BRICD5: variants seen among roughly 807,000 people sequenced by gnomAD.
The protein encoded by BRICD5 is BRICHOS domain-containing protein 5.
BRICD5 carries 51 observed loss-of-function variants against 28.4 expected under a neutral mutation model. The ratio of observed to expected loss-of-function variants is 1.80; its 90% CI spans 1.43 to 2.27. The LOEUF is 2.27. Among genes scored for constraint, BRICD5 ranks in the 30% most tolerant of loss-of-function variants. The pLI, the probability that BRICD5 is intolerant of heterozygous loss-of-function variation, is 0.00. For missense variants in BRICD5, 456 were observed against 309.6 expected, an observed-to-expected ratio of 1.47 and a Z score of -3.55; for synonymous variants, 177 against 130.2, an observed-to-expected ratio of 1.36 and a Z score of -2.44.
In BRICD5 at chr16:2,210,598, A is replaced by G. The variant is rs762035047; in HGVS notation, c.104T>C (p.Leu35Pro). 6 of 1,612,666 alleles carry G rather than the reference A, an allele frequency of 3.7e-6. No homozygotes were observed. The South Asian group carries it at 5.5e-5, about 15-fold the overall frequency. The part of the protein sequence containing the change: ...GGWRAVSLLL[L>P]LLLLVLAAVG... Reference sequence around the variant, plus strand: ...AGCGGCCAGCACCAGCAGCAGCAGCAGCAGGAGCAGGCTCACGGCTCTCCA... The same window carrying G: ...AGCGGCCAGCACCAGCAGCAGCAGCGGCAGGAGCAGGCTCACGGCTCTCCA... Residue 35 changes from leucine (L) to proline (P), a missense_variant, in exon 2 of 6, where the codon CTG becomes CCG. By Grantham distance (98) the Leu-to-Pro change is moderately conservative. Transcript: ENST00000328540.
Position 2,210,599 on chromosome 16 carries a change from G to C in BRICD5, c.103C>G (p.Leu35Val). ...GGWRAVSLLL[L>V]LLLLVLAAVG... Reference sequence around the variant, plus strand: ...GCGGCCAGCACCAGCAGCAGCAGCAGCAGGAGCAGGCTCACGGCTCTCCAG... The same window carrying C: ...GCGGCCAGCACCAGCAGCAGCAGCACCAGGAGCAGGCTCACGGCTCTCCAG... The change falls in exon 2 of 6, where the codon CTG (leucine) becomes GTG (valine). Residue 35 changes from leucine to valine, a missense_variant. Leu to Val is a conservative substitution (Grantham distance 32). Transcript: ENST00000328540. 1 of 1,612,600 alleles carries C rather than the reference G, an allele frequency of 6.2e-7. No individual in the cohort carries two copies. The highest frequency in any genetic ancestry group is 2.2e-5 in the East Asian group (1 of 44,876).
intron 4 of BRICD5, 29 bp from the exon 5 acceptor site, chr16:2,209,735 G>A: frequency 6.3e-7 from 1 of 1,579,652 alleles, no homozygotes; most frequent in Non-Finnish European, 8.6e-7. Context: ...TGGGCGGTGG[G>A]ACAGGGCTGC....
rs1407212568 is a variant in BRICD5 at position 2,210,662 on chromosome 16, TCAG to T, written c.52-15_52-13del. On this transcript the variant is annotated splice_polypyrimidine_tract_variant and intron_variant, in intron 1 of 5. Coordinates refer to ENST00000328540, the MANE Select transcript of BRICD5 (RefSeq NM_182563.4). ...GGCTTGGTCTTCACCTGGGCGTGCA[TCAG>T]GGTCAGAAGGGTCATGAGGGTTAGA... 1.9e-6 allele frequency: 3 copies of T among 1,610,504 alleles called. No individual in the cohort carries two copies. The African/African-American group carries it at 4.0e-5, about 22-fold the overall frequency.
In BRICD5 at chr16:2,209,373, G is replaced by T. The variant is rs1008313244; in HGVS notation, c.676C>A (p.Leu226Ile). ...GCCAGGTCGGGGGCTCAGTCTGGGA[G>T]GTAATAAAAGCAGACCGACACGCAG... Reference protein sequence around the residue: ...NICVSVCFYYLPD With the variant: ...NICVSVCFYYIPD The change falls in exon 6 of 6, where the codon CTC becomes ATC. Residue 226 changes from leucine to isoleucine, a missense_variant. Transcript: ENST00000328540. 6.2e-7 allele frequency: 1 copy of T among 1,612,746 alleles called. No individual in the cohort carries two copies. The highest frequency in any genetic ancestry group is 8.5e-7 in the Non-Finnish European group (1 of 1,179,232).
Position 2,210,180 on chromosome 16 carries a change from T to C in BRICD5, c.282A>G (p.Thr94=), listed in dbSNP as rs767065784. Residue 94 remains threonine, a synonymous_variant, in exon 3 of 6, where the codon ACA becomes ACG. Coordinates refer to ENST00000328540, the MANE Select transcript of BRICD5 (RefSeq NM_182563.4). The stretch of plus-strand genomic sequence containing the variant: ...TGTGGTTGCTCTGAGGTGGGGTCAC[T>C]GTGATGGTCGCCGCGTTCCGGGCCA... ...VDVARNAATI[T]VTPPQSNHSW... is the part of the protein sequence containing the mutation. 5 of 1,606,236 alleles carry C rather than the reference T, an allele frequency of 3.1e-6. No individual in the cohort carries two copies. In the South Asian group the frequency reaches 4.4e-5, roughly 14 times the overall value.
In BRICD5 at chr16:2,209,475, G is replaced by C. The variant is rs760496856; in HGVS notation, c.593-19C>G. 10 of 1,613,370 alleles carry C rather than the reference G, an allele frequency of 6.2e-6. No homozygotes were observed. Among genetic ancestry groups the C allele is most frequent in the South Asian group, 1.1e-5 (1 of 91,092 alleles). ...CGGGGCCCTGTGGCGAGGGTGCCGT[G>C]AATCTCCAAGGGCTCCGCCCCCAGC... On this transcript the variant is annotated intron_variant, in intron 5 of 5. Transcript: ENST00000328540.
chr16:2,209,371 G>C lies in BRICD5; in HGVS notation c.678C>G (p.Leu226=), dbSNP rs201450400. The C allele has an allele frequency of 1.9e-6, 3 of 1,612,848 alleles. No individual in the cohort carries two copies. Among genetic ancestry groups the C allele is most frequent in the South Asian group, 1.1e-5 (1 of 91,066 alleles). ...GGGCCAGGTCGGGGGCTCAGTCTGG[G>C]AGGTAATAAAAGCAGACCGACACGC... The part of the protein sequence containing the change: ...NICVSVCFYY[L]PD Residue 226 remains leucine (L), a synonymous_variant, in exon 6 of 6, where the codon CTC becomes CTG. Transcript: ENST00000328540.
chr16:2,210,727 G>C, intron 1 of BRICD5, 56 bp downstream of exon 1: 1 of 1,609,390 alleles, frequency 6.2e-7, no homozygotes, highest in Non-Finnish European at 8.5e-7. Flanking sequence ...GGGAGGGGCT[G>C]GGTGGCCTGG....
At chr16:2,210,420 T>C (rs1396417929) in intron 2 of BRICD5, 102 bp downstream of exon 2, 2 of 1,534,254 alleles carry the variant, frequency 1.3e-6, no homozygotes, top group African/African-American at 1.4e-5. Context: ...CTAGGTGGTG[T>C]CACTGCCTGC....
chr16:2,210,474 C>T (rs1360656434), intron 2 of BRICD5, 48 bp downstream of exon 2: 1 of 1,556,872 alleles, frequency 6.4e-7, no homozygotes, highest in African/African-American at 1.4e-5. Flanking sequence ...GCCAGCTTCC[C>T]TTCTCCCTTT....
In BRICD5 at chr16:2,210,785, C is replaced by G. The variant is rs759762365; in HGVS notation, c.49G>C (p.Gly17Arg). 9.3e-6 allele frequency: 15 copies of G among 1,606,680 alleles called. No individual in the cohort carries two copies. In the East Asian group the frequency reaches 3.1e-4, roughly 33 times the overall value. Reference sequence around the variant, plus strand: ...CAGGAGTAACGGGAGGCACTCACCCCTGTAGGCCCAGGTTTGGGGCGCTCA... The same window carrying G: ...CAGGAGTAACGGGAGGCACTCACCCGTGTAGGCCCAGGTTTGGGGCGCTCA... ...CAERPKPGPT[G>R]VKTKPSCGGW... The change falls in exon 1 of 6, where the codon GGG becomes CGG. Residue 17 changes from glycine to arginine, a missense_variant and splice_region_variant. Transcript: ENST00000328540.
rs745438012 is a variant in BRICD5, at chr16:2,210,584, CCAGCAGCAG to C, written c.109_117del (p.Leu37_Leu39del). 1.4e-4 allele frequency: 212 copies of C among 1,468,120 alleles called. 1 individual carries two copies. In the South Asian group the frequency reaches 2.3e-3, roughly 16 times the overall value. The allele number at this position is 1,468,120 out of a possible 1,614,324, so 90.9% of individuals were successfully genotyped here. ...GCCACAACCCCCACAGCGGCCAGCA[CCAGCAGCAG>C]CAGCAGCAGGAGCAGGCTCACGGCT... On this transcript the variant is annotated inframe_deletion, in exon 2 of 6. Transcript: ENST00000328540.
At chr16:2,210,480 C>T in intron 2 of BRICD5, 42 bp downstream of exon 2, 4 of 1,564,196 alleles carry the variant, frequency 2.6e-6, no homozygotes, top group Non-Finnish European at 2.6e-6. Flanking sequence ...TTCCCTTCTC[C>T]CTTTCCACTG....
In BRICD5 at chr16:2,210,013, G is replaced by T. The variant is rs1390015230; in HGVS notation, c.375C>A (p.Cys125Ter). The T allele has an allele frequency of 6.4e-7, 1 of 1,567,900 alleles. No homozygotes were observed. ...CACTGTCCTCCATCAGGCGGAGGAAGCAGACCTGGTGCTCCTCAGGGCGGT... is the reference window on the plus strand; with the variant it reads ...CACTGTCCTCCATCAGGCGGAGGAATCAGACCTGGTGCTCCTCAGGGCGGT... ...ICYRPEEHQV[C>*]FLRLMEDSDR... is the part of the protein sequence containing the mutation. The change falls in exon 4 of 6, where the codon TGC (cysteine) becomes TGA (stop). Residue 125 changes from cysteine (C) to a stop codon, truncating the protein, a stop_gained. Coordinates refer to ENST00000328540, the MANE Select transcript of BRICD5 (RefSeq NM_182563.4). LOFTEE classifies it high-confidence loss of function.
At position 2,210,844 on chromosome 16, in the gene BRICD5, C is replaced by T. The variant is rs1390780916; in HGVS notation, c.-11G>A. On this transcript the variant is annotated 5_prime_UTR_variant, in exon 1 of 6. Coordinates refer to ENST00000328540, the MANE Select transcript of BRICD5 (RefSeq NM_182563.4). ...GCTTGCTGGTTCCATCCTGCAGCCC[C>T]TGCTCACAATGTGCCGATTGTCTGC... 4 of 1,601,102 alleles carry T rather than the reference C, an allele frequency of 2.5e-6. No individual in the cohort carries two copies. Among genetic ancestry groups the T allele is most frequent in the Admixed American group, 3.3e-5 (2 of 59,988 alleles).
intron 1 of BRICD5, 25 bp from the exon 2 acceptor site, chr16:2,210,675 G>A (rs768604890): frequency 1.6e-5 from 26 of 1,610,772 alleles, no homozygotes; most frequent in South Asian, 3.3e-5. Flanking sequence ...GGGTCAGAAG[G>A]GTCATGAGGG....
chr16:2,210,212 C>T lies in BRICD5; in HGVS notation c.250G>A (p.Val84Met), dbSNP rs138857593. 1.1e-4 allele frequency: 182 copies of T among 1,586,564 alleles called. No individual in the cohort carries two copies. The highest frequency in any genetic ancestry group is 1.5e-4 in the Non-Finnish European group (173 of 1,168,882). ...GTCGCCGCGTTCCGGGCCACGTCCACCAGGATGGTTTGGTTGGGCCGGGGC... is the reference window on the plus strand; with the variant it reads ...GTCGCCGCGTTCCGGGCCACGTCCATCAGGATGGTTTGGTTGGGCCGGGGC... ...HMPRPNQTIL[V>M]DVARNAATIT... Residue 84 changes from valine to methionine, a missense_variant, in exon 3 of 6, where the codon GTG (valine) becomes ATG (methionine). By Grantham distance (21) the Val-to-Met change is conservative. Transcript: ENST00000328540.
Position 2,210,494 on chromosome 16 carries a change from A to G in BRICD5, c.180+28T>C, listed in dbSNP as rs778104570. The G allele has an allele frequency of 5.0e-6, 8 of 1,585,540 alleles. No individual in the cohort carries two copies. The South Asian group carries it at 5.7e-5, about 11-fold the overall frequency. ...CTTCCCTTCTCCCTTTCCACTGTCC[A>G]TGTCCCTGGTGCTGAGGAGGGGCTC... On this transcript the variant is annotated intron_variant, in intron 2 of 5. Transcript: ENST00000328540.
At position 2,210,298 on chromosome 16, in the gene BRICD5, G is replaced by C. The variant is rs2093367994; in HGVS notation, c.181-17C>G. 6.6e-7 allele frequency: 1 copy of C among 1,513,670 alleles called. No individual in the cohort carries two copies. The highest frequency in any genetic ancestry group is 1.4e-5 in the African/African-American group (1 of 72,984). 93.8% of individuals were successfully genotyped at this position (1,513,670 alleles called of 1,614,324 possible). A position where few individuals can be genotyped will look rare whatever the true frequency, so the allele number is the denominator to read the frequency against. ...CAGCCTTGGCTGGCAGTGGGAGTTG[G>C]AGTTCAGCCGGGCAGCTGTGCAACC... is the stretch of plus-strand genomic sequence containing the variant. On this transcript the variant is annotated splice_polypyrimidine_tract_variant and intron_variant, in intron 2 of 5. Transcript: ENST00000328540.
Sources: allele counts gnomAD v4.1 joint callset, GRCh38; gene constraint gnomAD v4.1.1; transcripts MANE v1.5; gene names NCBI Gene and HGNC (gene_info 2026-07-23, HGNC 2026-07-21).